Variants in SNTG1 observed in about 807,000 individuals in gnomAD.
SNTG1 encodes syntrophin gamma 1.
In SNTG1, 39 loss-of-function variants were observed where a neutral mutation model predicts 74.7. That is an observed-to-expected ratio of 0.52 (90% CI 0.40 to 0.68). The LOEUF is 0.68. Ranked by LOEUF, SNTG1 falls within the 30% of genes least tolerant of loss-of-function variation. The probability of loss-of-function intolerance (pLI) is 0.00; values close to 1 mark genes in which losing one functional copy is unlikely to be tolerated. For missense variants in SNTG1, 685 were observed against 609.5 expected (o/e 1.12, Z -1.30); for synonymous variants, 254 against 217.1 (o/e 1.17, Z -1.49).
At chr8:49,989,158 A>G (rs1813448621) in intron 1 of SNTG1, among the ~76,000 whole-genome samples, 1 of 151,994 alleles carries the variant, frequency 6.6e-6, no homozygotes, top group African/African-American at 2.4e-5. Flanking sequence ...TGGGGAAACC[A>G]AAAGTTGGTT....
At chr8:50,447,472 A>G (rs1342056435) in intron 5 of SNTG1, among the ~76,000 whole-genome samples, 2 of 152,202 alleles carry the variant, frequency 1.3e-5, no homozygotes, top group Non-Finnish European at 2.9e-5. Flanking sequence ...ATTTGAGTTA[A>G]CCAGCTTTTT....
intron 3 of SNTG1, among the ~76,000 whole-genome samples, chr8:50,398,387 T>G (rs1031699477): frequency 6.6e-6 from 1 of 152,200 alleles, no homozygotes; most frequent in Admixed American, 6.6e-5. Flanking sequence ...CGAGCGCACC[T>G]TCATTTTCTT....
chr8:50,197,265 A>G (rs763142563), intron 2 of SNTG1, among the ~76,000 whole-genome samples: 1 of 152,198 alleles, frequency 6.6e-6, no homozygotes, highest in African/African-American at 2.4e-5. Context: ...ATTTATGTGT[A>G]TGTGTGAATA....
At chr8:50,459,328 T>C (rs2093538222) in intron 8 of SNTG1, among the ~76,000 whole-genome samples, 2 of 152,220 alleles carry the variant, frequency 1.3e-5, no homozygotes, top group South Asian at 4.1e-4. Context: ...TGTTTATATC[T>C]GATTGTTAAG....
At chr8:50,685,611 A>G (rs753343400) in intron 15 of SNTG1, among the ~76,000 whole-genome samples, 81 of 152,234 alleles carry the variant, frequency 5.3e-4, no homozygotes, top group Non-Finnish European at 9.8e-4. Flanking sequence ...TTCCATAAAA[A>G]CATTTCATAA....
intron 8 of SNTG1, among the ~76,000 whole-genome samples, chr8:50,455,403 T>A (rs1397802387): frequency 6.6e-6 from 1 of 152,206 alleles, no homozygotes; most frequent in South Asian, 2.1e-4. Flanking sequence ...GTAATTTGAA[T>A]TGCAAAAATT....
intron 13 of SNTG1, among the ~76,000 whole-genome samples, chr8:50,620,229 T>G (rs1017720145): frequency 6.6e-6 from 1 of 152,142 alleles, no homozygotes; most frequent in African/African-American, 2.4e-5. Context: ...CTGCATCCCT[T>G]GTCTCTCTCC....
intron 13 of SNTG1, among the ~76,000 whole-genome samples, chr8:50,628,729 A>C (rs947905075): frequency 6.6e-6 from 1 of 152,090 alleles, no homozygotes; most frequent in African/African-American, 2.4e-5. Context: ...GTGGTCTTTA[A>C]TAATAACAAG....
intron 15 of SNTG1, among the ~76,000 whole-genome samples, chr8:50,671,397 A>T (rs1203847103): frequency 1.3e-5 from 2 of 151,638 alleles, no homozygotes; most frequent in African/African-American, 4.9e-5. Context: ...ATGAACAGAC[A>T]CTTCTCAAAA....
chr8:50,755,253 C>T (rs571333738), intron 18 of SNTG1, among the ~76,000 whole-genome samples: 79 of 151,848 alleles, frequency 5.2e-4, no homozygotes, highest in Middle Eastern at 6.8e-3. Flanking sequence ...TGAGCTCTTC[C>T]TATTCACCCC....
intron 5 of SNTG1, among the ~76,000 whole-genome samples, chr8:50,444,461 T>C (rs72642369): frequency 0.044 from 6,741 of 152,190 alleles, 223 homozygotes; most frequent in Middle Eastern, 0.082. Context: ...ATCATAAAAG[T>C]AGATAACAGG....
chr8:50,583,653 T>C (rs1398146486), intron 12 of SNTG1, among the ~76,000 whole-genome samples: 9 of 152,052 alleles, frequency 5.9e-5, no homozygotes, highest in African/African-American at 1.7e-4. Flanking sequence ...TGGAAGTCTC[T>C]ATAAAGTTTC....
chr8:50,386,476 T>A (rs2092576210), intron 2 of SNTG1, among the ~76,000 whole-genome samples: 1 of 151,686 alleles, frequency 6.6e-6, no homozygotes, highest in African/African-American at 2.4e-5. Context: ...TGTGGTAGGG[T>A]ATCAGCGTCC....
At chr8:50,262,511 C>G (rs957109185) in intron 2 of SNTG1, among the ~76,000 whole-genome samples, 3 of 152,074 alleles carry the variant, frequency 2.0e-5, no homozygotes, top group Admixed American at 6.6e-5. Flanking sequence ...CCTGGGTTCA[C>G]GCCATTCTCC....
intron 4 of SNTG1, among the ~76,000 whole-genome samples, chr8:50,412,934 G>A (rs1208855254): frequency 5.3e-5 from 8 of 152,128 alleles, no homozygotes; most frequent in Non-Finnish European, 7.3e-5. Context: ...GGAAAATCAG[G>A]TTTTAGAGCG....
At chr8:50,049,958 C>A (rs1819427103) in intron 1 of SNTG1, among the ~76,000 whole-genome samples, 1 of 151,228 alleles carries the variant, frequency 6.6e-6, no homozygotes, top group Admixed American at 6.6e-5. Flanking sequence ...TCAGCAAAAG[C>A]AATGTTTAGA....
At chr8:50,303,680 T>C (rs1211329082) in intron 2 of SNTG1, among the ~76,000 whole-genome samples, 1 of 152,026 alleles carries the variant, frequency 6.6e-6, no homozygotes, top group African/African-American at 2.4e-5. Context: ...CTTTTGTTTT[T>C]ATTATTAAAT....
intron 13 of SNTG1, among the ~76,000 whole-genome samples, chr8:50,643,271 C>G (rs922701833): frequency 1.3e-5 from 2 of 152,092 alleles, no homozygotes; most frequent in African/African-American, 4.8e-5. Context: ...TTTTTCTTTC[C>G]TGATTGCCAC....
intron 1 of SNTG1, among the ~76,000 whole-genome samples, chr8:50,153,820 G>T (rs2082157907): frequency 1.3e-5 from 2 of 152,184 alleles, no homozygotes; most frequent in Admixed American, 1.3e-4. Flanking sequence ...CCCTACTGGG[G>T]GGTGCCTCCC....
Sources: allele counts gnomAD v4.1 joint callset (sites outside exome capture counted in the v4.1 genomes callset), GRCh38; gene constraint gnomAD v4.1.1; transcripts MANE v1.5; gene names NCBI Gene and HGNC (gene_info 2026-07-23, HGNC 2026-07-21).